Variants in EPHA6 observed in about 807,000 individuals in gnomAD.
The protein encoded by EPHA6 is EPH receptor A6.
Under a neutral mutation model 112.0 loss-of-function variants are expected in EPHA6, and 50 were observed. The ratio of observed to expected loss-of-function variants is 0.45; its 90% CI spans 0.36 to 0.56. The LOEUF is 0.56. EPHA6 is among the 20% of genes least tolerant of loss of function. EPHA6 has a pLI of 0.00. For synonymous variants in EPHA6, 529 were observed against 490.7 expected (o/e 1.08, Z -1.03); for missense variants, 1,280 against 1,417.4 (o/e 0.90, Z 1.56).
At chr3:97,341,445 C>G (rs1487860608) in intron 5 of EPHA6, among the ~76,000 whole-genome samples, 1 of 151,894 alleles carries the variant, frequency 6.6e-6, no homozygotes, top group Admixed American at 6.6e-5. Flanking sequence ...AGCTCCGCCT[C>G]CCAGGTTCCA....
At chr3:97,107,456 C>T (rs1008465818) in intron 3 of EPHA6, among the ~76,000 whole-genome samples, 1 of 152,062 alleles carries the variant, frequency 6.6e-6, no homozygotes, top group African/African-American at 2.4e-5. Flanking sequence ...ATGTTGTTTC[C>T]TGTTGCTTAC....
intron 11 of EPHA6, among the ~76,000 whole-genome samples, chr3:97,548,601 A>G (rs1375994156): frequency 6.6e-6 from 1 of 152,138 alleles, no homozygotes; most frequent in Non-Finnish European, 1.5e-5. Context: ...GAAGAGCTCT[A>G]TTTCAGATTG....
In EPHA6 at chr3:97,374,719, T is replaced by C. The variant is rs115519265; in HGVS notation, c.1607-30431T>C. 5.4e-3 allele frequency among the ~76,000 whole-genome samples: 824 copies of C among 152,234 alleles called. 6 individuals carry two copies. Among genetic ancestry groups the C allele is most frequent in the African/African-American group, 0.018 (751 of 41,542 alleles). Reference sequence around the variant, plus strand: ...TCTATTATTCCCATCTTTATGCCCATGTGTATCCAGTTTAGCTTCTACTTA... The same window carrying C: ...TCTATTATTCCCATCTTTATGCCCACGTGTATCCAGTTTAGCTTCTACTTA... On this transcript the variant is annotated intron_variant, in intron 5 of 17. Transcript: ENST00000389672.
At chr3:97,619,502 C>T (rs2093795955) in intron 13 of EPHA6, among the ~76,000 whole-genome samples, 1 of 150,954 alleles carries the variant, frequency 6.6e-6, no homozygotes, top group Non-Finnish European at 1.5e-5. Flanking sequence ...TTACATGATC[C>T]TATATCTACA....
At chr3:97,411,260 C>T (rs1037388007) in intron 6 of EPHA6, among the ~76,000 whole-genome samples, 2 of 152,030 alleles carry the variant, frequency 1.3e-5, no homozygotes, top group Admixed American at 6.6e-5. Flanking sequence ...TTAGTAAGCC[C>T]AGGGAGGACC....
chr3:97,473,460 C>A (rs1577507160), intron 7 of EPHA6, among the ~76,000 whole-genome samples: 2 of 151,848 alleles, frequency 1.3e-5, no homozygotes, highest in East Asian at 1.9e-4. Context: ...ACAAAGTAAT[C>A]TGATTTTCAA....
intron 3 of EPHA6, among the ~76,000 whole-genome samples, chr3:96,995,204 C>T (rs1388989162): frequency 6.6e-6 from 1 of 151,876 alleles, no homozygotes; most frequent in Non-Finnish European, 1.5e-5. Context: ...GATCTTCTGT[C>T]TAATCATGTT....
chr3:97,308,027 A>G lies in EPHA6; in HGVS notation c.1606+63740A>G, dbSNP rs531349808. ...ATATCCTTTTTCTATGTTGCTGTCA[A>G]TACTATACACACAGCCCTCAACCTG... On this transcript the variant is annotated intron_variant, in intron 5 of 17. Transcript: ENST00000389672. Among the ~76,000 whole-genome samples the G allele has an allele frequency of 3.3e-5, 5 of 151,618 alleles. No homozygotes were observed. The South Asian group carries it at 1.0e-3, about 31-fold the overall frequency.
intron 3 of EPHA6, among the ~76,000 whole-genome samples, chr3:97,146,982 G>A (rs1327188099): frequency 6.6e-6 from 1 of 151,984 alleles, no homozygotes; most frequent in Non-Finnish European, 1.5e-5. Context: ...CTTGAAATCA[G>A]TAGGGAAAAT....
chr3:97,375,244 G>T (rs2085287053), intron 5 of EPHA6, among the ~76,000 whole-genome samples: 2 of 152,124 alleles, frequency 1.3e-5, no homozygotes. Context: ...GGTGTTTTCA[G>T]AAACAGTTGT....
chr3:97,171,564 A>T (rs976899622), intron 3 of EPHA6, among the ~76,000 whole-genome samples: 3 of 152,144 alleles, frequency 2.0e-5, no homozygotes, highest in Admixed American at 2.0e-4. Context: ...TAGAAGTGAC[A>T]TGATTTCTGG....
rs142835949 is a variant in EPHA6, at chr3:96,972,566, T to G, written c.451-14764T>G. On this transcript the variant is annotated intron_variant, in intron 2 of 17. Transcript: ENST00000389672. The stretch of plus-strand genomic sequence containing the variant: ...TTTCTGTTACCTACTGTCAGCATAT[T>G]TAAGATTGGTTTTAACTGATATTTC... Among the ~76,000 whole-genome samples the G allele has an allele frequency of 8.7e-4, 132 of 152,156 alleles. 1 individual carries two copies. The highest frequency in any genetic ancestry group is 3.0e-3 in the African/African-American group (126 of 41,536).
chr3:97,189,226 A>G (rs780067571), intron 3 of EPHA6, among the ~76,000 whole-genome samples: 2 of 152,016 alleles, frequency 1.3e-5, no homozygotes, highest in Non-Finnish European at 2.9e-5. Context: ...TTGAAACTTT[A>G]TGATATGAGA....
intron 3 of EPHA6, among the ~76,000 whole-genome samples, chr3:96,992,675 A>G (rs1405927098): frequency 1.3e-5 from 2 of 152,040 alleles, no homozygotes; most frequent in African/African-American, 2.4e-5. Context: ...AAGGAATTGT[A>G]CATTTTGACC....
chr3:96,927,033 C>A (rs1464337236), intron 2 of EPHA6, among the ~76,000 whole-genome samples: 1 of 152,236 alleles, frequency 6.6e-6, no homozygotes, highest in Non-Finnish European at 1.5e-5. Context: ...TTATACTGGA[C>A]ATCTGAGCAT....
At chr3:96,849,991 C>T (rs1340750225) in intron 1 of EPHA6, among the ~76,000 whole-genome samples, 1 of 152,118 alleles carries the variant, frequency 6.6e-6, no homozygotes, top group East Asian at 1.9e-4. Context: ...ATTCCAAGCT[C>T]AAGAACAATA....
chr3:97,125,669 A>G (rs2108313757), intron 3 of EPHA6, among the ~76,000 whole-genome samples: 1 of 152,308 alleles, frequency 6.6e-6, no homozygotes, highest in African/African-American at 2.4e-5. Context: ...AAAAATGACT[A>G]AAAATTCTTT....
chr3:96,942,026 T>TG (rs1016754816), intron 2 of EPHA6, among the ~76,000 whole-genome samples: 1 of 152,268 alleles, frequency 6.6e-6, no homozygotes. Flanking sequence ...CTGCCCCTAC[T>TG]GGGGGGTGCC....
chr3:96,931,497 G>A (rs1448314909), intron 2 of EPHA6, among the ~76,000 whole-genome samples: 1 of 152,172 alleles, frequency 6.6e-6, no homozygotes, highest in Non-Finnish European at 1.5e-5. Flanking sequence ...CTGAAGCCTG[G>A]CTGGGAGCCC....
Sources: gnomAD v4.1 joint callset for allele counts (sites outside exome capture counted in the v4.1 genomes callset) on GRCh38, gnomAD v4.1.1 for gene constraint, MANE v1.5 for transcripts, NCBI Gene and HGNC (gene_info 2026-07-23, HGNC 2026-07-21) for gene names.